The following GRM1 variants were observed in gnomAD, a reference collection of about 807,000 sequenced individuals.
The protein encoded by GRM1 is metabotropic glutamate receptor 1.
A neutral mutation model predicts 90.9 loss-of-function variants in GRM1; 33 were observed. The observed-to-expected ratio is 0.36, with a 90% confidence interval of 0.28 to 0.49. The LOEUF is 0.49. GRM1 is among the 20% of genes least tolerant of loss of function. The probability of loss-of-function intolerance (pLI) is 0.99; values close to 1 mark genes in which losing one functional copy is unlikely to be tolerated. For missense variants in GRM1, 1,190 were observed against 1,534.3 expected, an observed-to-expected ratio of 0.78 and a Z score of 3.75; for synonymous variants, 700 against 613.2, an observed-to-expected ratio of 1.14 and a Z score of -2.09.
At chr6:146,280,293 A>G (rs1782520855) in intron 2 of GRM1, among the ~76,000 whole-genome samples, 1 of 152,138 alleles carries the variant, frequency 6.6e-6, no homozygotes, top group Non-Finnish European at 1.5e-5. Flanking sequence ...CATAGCCCTG[A>G]GTTATCCATT....
chr6:146,223,302 A>C (rs1054992227), intron 2 of GRM1, among the ~76,000 whole-genome samples: 1 of 152,140 alleles, frequency 6.6e-6, no homozygotes, highest in African/African-American at 2.4e-5. Context: ...ATCCACAAGA[A>C]AAACTTTCCA....
intron 2 of GRM1, among the ~76,000 whole-genome samples, chr6:146,298,349 A>G (rs528553353): frequency 6.6e-6 from 1 of 152,250 alleles, no homozygotes; most frequent in South Asian, 2.1e-4. Context: ...ACTCAACTCC[A>G]GGGCTGCTTT....
chr6:146,079,830 T>G (rs1255973992), intron 1 of GRM1, among the ~76,000 whole-genome samples: 1 of 152,152 alleles, frequency 6.6e-6, no homozygotes, highest in Non-Finnish European at 1.5e-5. Context: ...TCAGTGGAAT[T>G]TTCATTTTCA....
chr6:146,213,721 T>TAGAGAGATAGAG (rs201951540), intron 2 of GRM1, among the ~76,000 whole-genome samples: 2 of 148,866 alleles, frequency 1.3e-5, no homozygotes, highest in African/African-American at 5.1e-5. Flanking sequence ...GATAGATAGA[T>TAGAGAGATAGAG]AGATAGATAG....
At chr6:146,160,081 C>A (rs908984702) in intron 2 of GRM1, among the ~76,000 whole-genome samples, 1 of 151,830 alleles carries the variant, frequency 6.6e-6, no homozygotes, top group Admixed American at 6.6e-5. Context: ...ACACCCAAGC[C>A]GATGCTTATG....
intron 3 of GRM1, among the ~76,000 whole-genome samples, chr6:146,331,589 G>C (rs1298260331): frequency 6.6e-6 from 1 of 152,064 alleles, no homozygotes; most frequent in Non-Finnish European, 1.5e-5. Flanking sequence ...GAAGACTAGA[G>C]ACTCCTGTTA....
At chr6:146,256,772 G>A (rs2114778991) in intron 2 of GRM1, among the ~76,000 whole-genome samples, 1 of 152,192 alleles carries the variant, frequency 6.6e-6, no homozygotes, top group South Asian at 2.1e-4. Context: ...TCTCTACTGT[G>A]GTCCGTCCTA....
At chr6:146,273,946 T>C (rs1303884495) in intron 2 of GRM1, among the ~76,000 whole-genome samples, 1 of 152,222 alleles carries the variant, frequency 6.6e-6, no homozygotes, top group East Asian at 1.9e-4. Context: ...CAACCTTTTA[T>C]CTTTTGTTAA....
chr6:146,297,145 A>T (rs1027639818), intron 2 of GRM1, among the ~76,000 whole-genome samples: 27 of 151,902 alleles, frequency 1.8e-4, no homozygotes, highest in African/African-American at 6.0e-4. Flanking sequence ...AGTTGACTAC[A>T]TTGTGAAACG....
At chr6:146,305,698 T>C (rs1233735615) in intron 3 of GRM1, among the ~76,000 whole-genome samples, 1 of 152,182 alleles carries the variant, frequency 6.6e-6, no homozygotes, top group African/African-American at 2.4e-5. Context: ...ACCTAATTTG[T>C]ATTGTAGAAC....
In GRM1 at chr6:146,399,558, C is replaced by T. The variant is rs1453767299; in HGVS notation, c.2519C>T (p.Ala840Val). ...MFTPKMYIII[A>V]KPERNVRSAF... Reference sequence around the variant, plus strand: ...ACTCCCAAGATGTACATCATTATTGCCAAGCCTGAGAGGAATGTCCGCAGT... The same window carrying T: ...ACTCCCAAGATGTACATCATTATTGTCAAGCCTGAGAGGAATGTCCGCAGT... The change falls in exon 7 of 8, where the codon GCC becomes GTC. Residue 840 changes from alanine to valine, a missense_variant. Ala to Val is a moderately conservative substitution (Grantham distance 64, BLOSUM62 0). Around this residue, in one of 10 missense-constraint regions of GRM1, gnomAD observed 73 missense variants for 150.6 expected, o/e 0.48. Coordinates refer to ENST00000282753, the MANE Select transcript of GRM1 (RefSeq NM_001278064.2). The surrounding 1 kb of genome is among the most constrained non-coding windows in gnomAD (Gnocchi z 5.4). 1 of 1,613,906 alleles carries T rather than the reference C, an allele frequency of 6.2e-7. No individual in the cohort carries two copies. Among genetic ancestry groups the T allele is most frequent in the Non-Finnish European group, 8.5e-7 (1 of 1,179,954 alleles).
intron 2 of GRM1, among the ~76,000 whole-genome samples, chr6:146,184,303 T>G (rs1007656763): frequency 3.3e-5 from 5 of 152,156 alleles, no homozygotes; most frequent in Non-Finnish European, 4.4e-5. Context: ...AAGCACTCTC[T>G]CTCCAACTTC....
intron 2 of GRM1, among the ~76,000 whole-genome samples, chr6:146,234,168 T>C (rs1305839588): frequency 6.6e-6 from 1 of 152,086 alleles, no homozygotes; most frequent in Non-Finnish European, 1.5e-5. Context: ...AATCCATTGA[T>C]TGGCATTTTG....
chr6:146,034,997 T>C (rs981137705), intron 1 of GRM1, among the ~76,000 whole-genome samples: 1 of 151,984 alleles, frequency 6.6e-6, no homozygotes, highest in African/African-American at 2.4e-5. Flanking sequence ...TTTATAAACA[T>C]GAGTTTATTC....
At chr6:146,247,873 TTATAA>T (rs904498572) in intron 2 of GRM1, among the ~76,000 whole-genome samples, 40 of 148,272 alleles carry the variant, frequency 2.7e-4, no homozygotes, top group African/African-American at 6.4e-4. Context: ...CTAATATATA[TTATAA>T]TATGTTACAG....
At chr6:146,239,860 A>G (rs762694384) in intron 2 of GRM1, among the ~76,000 whole-genome samples, 11 of 152,052 alleles carry the variant, frequency 7.2e-5, no homozygotes, top group Non-Finnish European at 1.0e-4. Flanking sequence ...CAGGAACCGA[A>G]TTATCACTGA....
At chr6:146,194,581 A>T (rs1484846894) in intron 2 of GRM1, among the ~76,000 whole-genome samples, 1 of 152,006 alleles carries the variant, frequency 6.6e-6, no homozygotes, top group African/African-American at 2.4e-5. Context: ...CCACTATTTG[A>T]CTCCCTGCTG....
At chr6:146,126,567 G>A (rs917388566) in intron 1 of GRM1, among the ~76,000 whole-genome samples, 2 of 151,946 alleles carry the variant, frequency 1.3e-5, no homozygotes, top group Admixed American at 6.6e-5. Context: ...ATTTTAAATC[G>A]ATCTATTACA....
In GRM1 at chr6:146,304,784, G is replaced by A. The variant is rs1360526653; in HGVS notation, c.1124G>A (p.Arg375Gln). Residue 375 changes from arginine to glutamine, a missense_variant, in exon 3 of 8, where the codon CGG (arginine) becomes CAG (glutamine). This residue lies in a region of GRM1 where 414 missense variants were observed against 598.4 expected (regional missense o/e 0.69). Transcript: ENST00000282753. ...TGGTTCCCTGAGTTCTGGCAACATCGGTTCCAGTGCCGCCTTCCAGGACAC... is the reference window on the plus strand; with the variant it reads ...TGGTTCCCTGAGTTCTGGCAACATCAGTTCCAGTGCCGCCTTCCAGGACAC... Reference protein sequence around the residue: ...NPWFPEFWQHRFQCRLPGHLL... With the variant: ...NPWFPEFWQHQFQCRLPGHLL... The A allele has an allele frequency of 6.2e-7, 1 of 1,614,000 alleles. No individual in the cohort carries two copies. The highest frequency in any genetic ancestry group is 8.5e-7 in the Non-Finnish European group (1 of 1,179,970).
Sources: gnomAD v4.1 joint callset for allele counts (sites outside exome capture counted in the v4.1 genomes callset) on GRCh38, gnomAD v4.1.1 for gene constraint, gnomAD v4.1.1 regional missense constraint, Gnocchi (gnomAD v3.1) non-coding constraint, MANE v1.5 for transcripts, NCBI Gene and HGNC (gene_info 2026-07-23, HGNC 2026-07-21) for gene names.